The following ATXN1 variants were observed in gnomAD, a reference collection of about 807,000 sequenced individuals.
ATXN1 encodes the protein ataxin 1, also known as ataxin-1.
A neutral mutation model predicts 56.4 loss-of-function variants in ATXN1; 8 were observed. That is an observed-to-expected ratio of 0.14 (90% CI 0.08 to 0.26). The LOEUF (loss-of-function observed/expected upper bound fraction) is 0.26, where lower values mean the gene tolerates loss of function less well. ATXN1 is among the 10% of genes least tolerant of loss of function. The pLI is 1.00. For synonymous variants in ATXN1, 514 were observed against 494.6 expected (o/e 1.04, Z -0.52); for missense variants, 987 against 1,106.5 (o/e 0.89, Z 1.53).
At chr6:16,567,256 T>A (rs1404027677) in intron 4 of ATXN1, among the ~76,000 whole-genome samples, 1 of 152,164 alleles carries the variant, frequency 6.6e-6, no homozygotes, top group East Asian at 1.9e-4. Context: ...CTCACAGTTT[T>A]GACAGTAGAG....
At chr6:16,705,853 A>T (rs930740577) in intron 2 of ATXN1, among the ~76,000 whole-genome samples, 3 of 152,156 alleles carry the variant, frequency 2.0e-5, no homozygotes, top group Admixed American at 2.0e-4. Flanking sequence ...GTCCCTTATC[A>T]TGCCAAATGC....
intron 6 of ATXN1, among the ~76,000 whole-genome samples, chr6:16,394,302 C>T (rs1266814774): frequency 6.6e-6 from 1 of 152,104 alleles, no homozygotes; most frequent in Non-Finnish European, 1.5e-5. Flanking sequence ...TTGTTCTCCA[C>T]CGGCCATTTT....
At chr6:16,551,535 G>A (rs1043036821) in intron 4 of ATXN1, among the ~76,000 whole-genome samples, 3 of 152,196 alleles carry the variant, frequency 2.0e-5, no homozygotes, top group African/African-American at 7.2e-5. Context: ...GAGGAAAGAA[G>A]AGGTTACATG....
chr6:16,669,997 G>C (rs763566180), intron 2 of ATXN1, among the ~76,000 whole-genome samples: 4 of 151,990 alleles, frequency 2.6e-5, no homozygotes, highest in Non-Finnish European at 5.9e-5. Context: ...CCAAGAAAGG[G>C]TAAGCCAACA....
At chr6:16,617,106 C>A (rs1350590827) in intron 3 of ATXN1, among the ~76,000 whole-genome samples, 1 of 151,890 alleles carries the variant, frequency 6.6e-6, no homozygotes, top group Admixed American at 6.6e-5. Flanking sequence ...GGAACATGCC[C>A]CCAGTTGATC....
chr6:16,567,614 T>C (rs1762252963), intron 4 of ATXN1, among the ~76,000 whole-genome samples: 1 of 152,192 alleles, frequency 6.6e-6, no homozygotes, highest in Non-Finnish European at 1.5e-5. Context: ...TCAGCAACAT[T>C]TGTGATCATA....
chr6:16,521,128 AAAACAAAC>A (rs1325166266), intron 5 of ATXN1, among the ~76,000 whole-genome samples: 2 of 152,304 alleles, frequency 1.3e-5, no homozygotes, highest in South Asian at 4.2e-4. Context: ...GATGTCTAAA[AAAACAAAC>A]AAACAAACAA....
intron 6 of ATXN1, among the ~76,000 whole-genome samples, chr6:16,425,763 C>T (rs980205621): frequency 5.9e-5 from 9 of 152,060 alleles, no homozygotes; most frequent in Admixed American, 1.3e-4. Flanking sequence ...CCCTGAAACA[C>T]GGCTCAGGGC....
chr6:16,647,108 A>C (rs892413523), intron 3 of ATXN1, among the ~76,000 whole-genome samples: 4 of 152,084 alleles, frequency 2.6e-5, no homozygotes, highest in African/African-American at 7.2e-5. Flanking sequence ...AGGTTCAAGC[A>C]ATTCTCCTGT....
In ATXN1 at chr6:16,503,015, C is replaced by T. The variant is rs9477144; in HGVS notation, c.-298-16906G>A. 5.3e-3 allele frequency among the ~76,000 whole-genome samples: 800 copies of T among 152,216 alleles called. 13 individuals are homozygous for T. Among genetic ancestry groups the T allele is most frequent in the African/African-American group, 0.018 (745 of 41,506 alleles). On this transcript the variant is annotated intron_variant, in intron 5 of 7. Transcript: ENST00000436367. ...TTTTAAAACACTAAGCTAATCGTCA[C>T]CAACTATAATAATTTTTTATGATTC... is the stretch of plus-strand genomic sequence containing the variant.
At chr6:16,671,400 G>C (rs1054086770) in intron 2 of ATXN1, among the ~76,000 whole-genome samples, 12 of 151,828 alleles carry the variant, frequency 7.9e-5, no homozygotes, top group African/African-American at 2.9e-4. Context: ...ATGCAGGAGA[G>C]GGTATCAGGA....
chr6:16,485,681 AG>A (rs1722333239), intron 6 of ATXN1: 1 of 152,226 alleles, frequency 6.6e-6, no homozygotes, highest in African/African-American at 2.4e-5. Context: ...CTGTACCAGT[AG>A]AAAAGGTGTT....
At position 16,327,843 on chromosome 6, in the gene ATXN1, G is replaced by C. The variant is rs773396156; in HGVS notation, c.468C>G (p.Thr156=). The C allele has an allele frequency of 1.2e-5, 19 of 1,608,346 alleles. No individual in the cohort carries two copies. Among genetic ancestry groups the C allele is most frequent in the Non-Finnish European group, 1.4e-5 (17 of 1,179,934 alleles). Residue 156 remains threonine (T), a synonymous_variant, in exon 7 of 8, where the codon ACC becomes ACG. Coordinates refer to ENST00000436367, the MANE Select transcript of ATXN1 (RefSeq NM_001128164.2). ...QLIPPTANPV[T]SAVASAAGAT... is the part of the protein sequence containing the mutation. ...CCCCTGCGGCCGAGGCCACTGCACTGGTGACGGGGTTGGCGGTTGGGGGGA... is the reference window on the plus strand; with the variant it reads ...CCCCTGCGGCCGAGGCCACTGCACTCGTGACGGGGTTGGCGGTTGGGGGGA...
intron 6 of ATXN1, among the ~76,000 whole-genome samples, chr6:16,344,414 G>A (rs1371236436): frequency 6.6e-6 from 1 of 152,192 alleles, no homozygotes; most frequent in Non-Finnish European, 1.5e-5. Context: ...GCTTGGAGAG[G>A]AAGACCCACC....
chr6:16,575,699 G>T (rs1337128765), intron 4 of ATXN1, among the ~76,000 whole-genome samples: 1 of 152,158 alleles, frequency 6.6e-6, no homozygotes, highest in African/African-American at 2.4e-5. Flanking sequence ...TGTCCGAGTG[G>T]TTTACAGCCT....
chr6:16,575,233 T>C (rs1411049579), intron 4 of ATXN1, among the ~76,000 whole-genome samples: 1 of 148,986 alleles, frequency 6.7e-6, no homozygotes, highest in Non-Finnish European at 1.5e-5. Flanking sequence ...TGTTTCTGCA[T>C]ATACTTTTGC....
chr6:16,640,531 AAGTT>A (rs1457665458), intron 3 of ATXN1, among the ~76,000 whole-genome samples: 4 of 152,024 alleles, frequency 2.6e-5, no homozygotes, highest in Non-Finnish European at 4.4e-5. Flanking sequence ...AAAATACAAA[AAGTT>A]AGCCGGACGT....
chr6:16,440,649 A>AAAAAAAAAAAAAAAAAAAAAAAAAAAAAG (rs56105499), intron 6 of ATXN1, among the ~76,000 whole-genome samples: 4 of 113,656 alleles, frequency 3.5e-5, no homozygotes, highest in African/African-American at 7.4e-5. Flanking sequence ...TTAAAAAAAA[A>AAAAAAAAAAAAAAAAAAAAAAAAAAAAAG]AAAGAAAAGA....
In ATXN1 at chr6:16,744,781, G is replaced by A. The variant is rs534874263; in HGVS notation, c.-615+8452C>T. Among the ~76,000 whole-genome samples the A allele has an allele frequency of 4.6e-5, 7 of 152,246 alleles. No homozygotes were observed. The East Asian group carries it at 5.8e-4, about 13-fold the overall frequency. On this transcript the variant is annotated intron_variant, in intron 2 of 7. Coordinates refer to ENST00000436367, the MANE Select transcript of ATXN1 (RefSeq NM_001128164.2). ...CAGCCTGGTGCAGAATTTGAGCTGC[G>A]GTAATCTCATTTATTCCTGCCAGGT...
Sources: gnomAD v4.1 joint callset for allele counts (sites outside exome capture counted in the v4.1 genomes callset) on GRCh38, gnomAD v4.1.1 for gene constraint, MANE v1.5 for transcripts, NCBI Gene and HGNC (gene_info 2026-07-23, HGNC 2026-07-21) for gene names.